DPP10: variants seen among roughly 807,000 people sequenced by gnomAD.
The protein encoded by DPP10 is inactive dipeptidyl peptidase 10.
Under a neutral mutation model 120.9 loss-of-function variants are expected in DPP10, and 33 were observed. That is an observed-to-expected ratio of 0.27 (90% CI 0.21 to 0.37). The LOEUF is 0.37. Ranked by LOEUF, DPP10 falls within the 10% of genes least tolerant of loss-of-function variation. The pLI is 1.00. For synonymous variants in DPP10, 337 were observed against 326.1 expected, an observed-to-expected ratio of 1.03 and a Z score of -0.36; for missense variants, 816 against 942.8, an observed-to-expected ratio of 0.87 and a Z score of 1.76.
At chr2:114,836,852 T>A (rs1363347746) in intron 1 of DPP10, among the ~76,000 whole-genome samples, 1 of 152,196 alleles carries the variant, frequency 6.6e-6, no homozygotes, top group Non-Finnish European at 1.5e-5. Context: ...TTCTCAAGGA[T>A]GTTCCTTGCT....
At chr2:115,461,198 T>A (rs968470488) in intron 3 of DPP10, among the ~76,000 whole-genome samples, 2 of 145,616 alleles carry the variant, frequency 1.4e-5, no homozygotes, top group Non-Finnish European at 2.9e-5. Flanking sequence ...AAATGACTGA[T>A]TTGATGCTTT....
chr2:115,780,782 C>A, intron 15 of DPP10, 92 bp from the exon 16 acceptor site: 1 of 1,243,056 alleles, frequency 8.0e-7, no homozygotes, highest in South Asian at 1.9e-5. Context: ...GATGTAACTC[C>A]CTTGTTTATA....
intron 5 of DPP10, among the ~76,000 whole-genome samples, chr2:115,670,229 C>T (rs1336627350): frequency 6.6e-6 from 1 of 152,092 alleles, no homozygotes; most frequent in Non-Finnish European, 1.5e-5. Flanking sequence ...ATCCAAATAT[C>T]ATCACATTGG....
At chr2:114,606,328 C>T (rs772513919) in intron 1 of DPP10, among the ~76,000 whole-genome samples, 8 of 152,168 alleles carry the variant, frequency 5.3e-5, no homozygotes, top group African/African-American at 1.2e-4. Flanking sequence ...GCAAAGTTAG[C>T]GAAGATCTTT....
At chr2:115,459,986 T>C (rs1045400035) in intron 3 of DPP10, among the ~76,000 whole-genome samples, 1 of 149,234 alleles carries the variant, frequency 6.7e-6, no homozygotes, top group Non-Finnish European at 1.5e-5. Context: ...ATTGTGGCTA[T>C]AAAACAGAAT....
chr2:114,557,074 A>G (rs1688382840), intron 1 of DPP10, among the ~76,000 whole-genome samples: 1 of 149,260 alleles, frequency 6.7e-6, no homozygotes, highest in East Asian at 2.0e-4. Flanking sequence ...CTCTAGTTGG[A>G]GTCAAGAGTT....
At chr2:114,464,981 C>T (rs1679233666) in intron 1 of DPP10, among the ~76,000 whole-genome samples, 1 of 152,072 alleles carries the variant, frequency 6.6e-6, no homozygotes, top group Non-Finnish European at 1.5e-5. Context: ...ATAAAATGAC[C>T]ACTGTGTCTG....
intron 5 of DPP10, among the ~76,000 whole-genome samples, chr2:115,652,409 A>ATGTGTATGTG (rs1181566449): frequency 1.8e-3 from 258 of 145,572 alleles, no homozygotes; most frequent in African/African-American, 6.3e-3. Flanking sequence ...TAGGATATAT[A>ATGTGTATGTG]TGTGTGTGTG....
chr2:115,515,817 T>A (rs937642046), intron 4 of DPP10, among the ~76,000 whole-genome samples: 5 of 152,106 alleles, frequency 3.3e-5, no homozygotes, highest in Non-Finnish European at 5.9e-5. Context: ...GGAGGAATCA[T>A]CTACCCTATA....
intron 1 of DPP10, among the ~76,000 whole-genome samples, chr2:114,499,878 C>T (rs1430084760): frequency 2.0e-5 from 3 of 152,158 alleles, no homozygotes; most frequent in Non-Finnish European, 2.9e-5. Context: ...ACCAATTCTC[C>T]ACCCCTGTGA....
intron 1 of DPP10, among the ~76,000 whole-genome samples, chr2:115,174,272 A>G (rs1440798059): frequency 6.6e-6 from 1 of 152,184 alleles, no homozygotes; most frequent in Non-Finnish European, 1.5e-5. Context: ...CTTTCAATGT[A>G]CATGTTTCCA....
chr2:115,235,339 T>G (rs571968188), intron 1 of DPP10, among the ~76,000 whole-genome samples: 2 of 152,290 alleles, frequency 1.3e-5, no homozygotes, highest in South Asian at 4.1e-4. Flanking sequence ...TTTTCAAGTA[T>G]TTTCCATCTG....
intron 1 of DPP10, among the ~76,000 whole-genome samples, chr2:114,517,950 G>C (rs1684738155): frequency 6.6e-6 from 1 of 151,684 alleles, no homozygotes; most frequent in South Asian, 2.1e-4. Flanking sequence ...TTCGTCTTCT[G>C]CACCGATTCA....
chr2:115,513,857 T>C (rs2148848725), intron 4 of DPP10, among the ~76,000 whole-genome samples: 1 of 152,124 alleles, frequency 6.6e-6, no homozygotes, highest in East Asian at 1.9e-4. Flanking sequence ...ACTAGGTCAT[T>C]TTGTGTCTTC....
intron 3 of DPP10, among the ~76,000 whole-genome samples, chr2:115,491,635 C>A (rs1425682239): frequency 1.3e-5 from 2 of 151,942 alleles, no homozygotes; most frequent in African/African-American, 4.8e-5. Flanking sequence ...AAGGGGTTAT[C>A]TAGGGGCTAG....
chr2:114,595,772 G>A (rs1162851944), intron 1 of DPP10, among the ~76,000 whole-genome samples: 1 of 152,062 alleles, frequency 6.6e-6, no homozygotes, highest in Non-Finnish European at 1.5e-5. Context: ...GACCATTGTG[G>A]CCTAAACAAA....
chr2:115,550,946 A>T (rs2079834371), intron 5 of DPP10, among the ~76,000 whole-genome samples: 1 of 152,166 alleles, frequency 6.6e-6, no homozygotes, highest in African/African-American at 2.4e-5. Flanking sequence ...TAATGACTAA[A>T]ACATTCAAAA....
chr2:115,665,202 A>G (rs1558999790), intron 5 of DPP10, among the ~76,000 whole-genome samples: 1 of 152,154 alleles, frequency 6.6e-6, no homozygotes, highest in Non-Finnish European at 1.5e-5. Context: ...TCATGGGATG[A>G]CAGACAGCAG....
At chr2:115,043,834 C>T (rs915955849) in intron 1 of DPP10, among the ~76,000 whole-genome samples, 7 of 151,974 alleles carry the variant, frequency 4.6e-5, no homozygotes, top group African/African-American at 9.7e-5. Flanking sequence ...CACTGTCTTG[C>T]GGTCAGTTAT....
Sources: allele counts gnomAD v4.1 joint callset (sites outside exome capture counted in the v4.1 genomes callset), GRCh38; gene constraint gnomAD v4.1.1; transcripts MANE v1.5; gene names NCBI Gene and HGNC (gene_info 2026-07-23, HGNC 2026-07-21).